Variants in KCNK9 observed in about 807,000 individuals in gnomAD.
KCNK9 encodes potassium two pore domain channel subfamily K member 9.
Under a neutral mutation model 10.8 loss-of-function variants are expected in KCNK9, and 1 was observed. The observed-to-expected ratio is 0.09, with a 90% CI of 0.03 to 0.44. The LOEUF is 0.44. KCNK9 is among the 20% of genes least tolerant of loss of function. The pLI, the probability that KCNK9 is intolerant of heterozygous loss-of-function variation, is 0.97. For missense variants in KCNK9, 303 were observed against 515.0 expected (o/e 0.59, Z 3.98); for synonymous variants, 231 against 222.7 (o/e 1.04, Z -0.33).
rs182865681 is a variant in KCNK9 at position 139,655,113 on chromosome 8, C to A, written c.284-36014G>T. On this transcript the variant is annotated intron_variant, in intron 1 of 1. Coordinates refer to ENST00000520439, the MANE Select transcript of KCNK9 (RefSeq NM_001282534.2). ...TGGCCTGGTTTCTCCAGGCTCCTCGCCCCCACTCCCCTCCCTCAGATACTG... is the reference window on the plus strand; with the variant it reads ...TGGCCTGGTTTCTCCAGGCTCCTCGACCCCACTCCCCTCCCTCAGATACTG... Among the ~76,000 whole-genome samples the A allele has an allele frequency of 3.7e-3, 564 of 152,182 alleles. 3 individuals are homozygous for A. The highest frequency in any genetic ancestry group is 0.013 in the African/African-American group (523 of 41,504).
chr8:139,648,813 G>A (rs1815768831), intron 1 of KCNK9, among the ~76,000 whole-genome samples: 1 of 152,212 alleles, frequency 6.6e-6, no homozygotes, highest in Non-Finnish European at 1.5e-5. Flanking sequence ...ACGTGCCGTG[G>A]GCAGATGAGG....
At chr8:139,659,535 G>A (rs1426210033) in intron 1 of KCNK9, among the ~76,000 whole-genome samples, 11 of 152,106 alleles carry the variant, frequency 7.2e-5, no homozygotes, top group Admixed American at 2.0e-4. Context: ...TTGTTGAGAC[G>A]GAGTCTCGCT....
chr8:139,685,852 C>A (rs950704863), intron 1 of KCNK9, among the ~76,000 whole-genome samples: 1 of 152,148 alleles, frequency 6.6e-6, no homozygotes, highest in Non-Finnish European at 1.5e-5. Flanking sequence ...CTTGAGGGAT[C>A]GCCATACTGT....
At chr8:139,632,326 A>G (rs2545463) in intron 1 of KCNK9, among the ~76,000 whole-genome samples, 84,783 of 152,074 alleles carry the variant, frequency 0.56, 23,748 homozygotes, top group Non-Finnish European at 0.59. Context: ...CACTGTTAAC[A>G]CTGAACTCAG....
At position 139,618,866 on chromosome 8, in the gene KCNK9, T is replaced by C. The variant is rs1814684967; in HGVS notation, c.517A>G (p.Ile173Val). 6.2e-7 allele frequency: 1 copy of C among 1,614,226 alleles called. No homozygotes were observed. Among genetic ancestry groups the C allele is most frequent in the Non-Finnish European group, 8.5e-7 (1 of 1,180,050 alleles). The change falls in exon 2 of 2, where the codon ATC becomes GTC. Residue 173 changes from isoleucine to valine, a missense_variant. Physicochemically the swap from Ile to Val is conservative, Grantham distance 29 (BLOSUM62 3). Around this residue, in one of 5 missense-constraint regions of KCNK9, gnomAD observed 53 missense variants for 134.9 expected, o/e 0.39. Transcript: ENST00000520439. This position sits in a 1 kb window ranked among gnomAD's most constrained non-coding sequence, Gnocchi z 7.9. The part of the protein sequence containing the change: ...GFFSCMGTLC[I>V]GAAAFSQCEE... ...CACTGGGAGAAGGCGGCCGCCCCGA[T>C]GCACAGCGTCCCCATGCAGGAGAAG...
At chr8:139,694,894 C>G (rs1259479555) in intron 1 of KCNK9, among the ~76,000 whole-genome samples, 1 of 152,188 alleles carries the variant, frequency 6.6e-6, no homozygotes, top group African/African-American at 2.4e-5. Context: ...TGGTTGACCC[C>G]AAGACCCCAG....
At chr8:139,662,881 G>T (rs1455631385) in intron 1 of KCNK9, among the ~76,000 whole-genome samples, 3 of 150,572 alleles carry the variant, frequency 2.0e-5, no homozygotes, top group Non-Finnish European at 4.4e-5. Context: ...GAAGGGGGGG[G>T]GGCTGGAGGA....
At chr8:139,647,059 C>T (rs1356971244) in intron 1 of KCNK9, among the ~76,000 whole-genome samples, 2 of 152,250 alleles carry the variant, frequency 1.3e-5, no homozygotes, top group Non-Finnish European at 2.9e-5. Context: ...AGGGACCTCT[C>T]CCGCCCTCTG....
chr8:139,689,577 ATCATGGCAGTG>A lies in KCNK9; in HGVS notation c.283+13122_283+13132del, dbSNP rs768893952. Among the ~76,000 whole-genome samples the A allele has an allele frequency of 5.7e-4, 87 of 151,898 alleles. 1 individual carries two copies. The highest frequency in any genetic ancestry group is 9.3e-4 in the Non-Finnish European group (63 of 68,020). On this transcript the variant is annotated intron_variant, in intron 1 of 1. Transcript: ENST00000520439. ...AATGGTATGTGGGAGAAGTGACAGC[ATCATGGCAGTG>A]TCATGGCAAAAGAGTCGTCACTTGC... is the stretch of plus-strand genomic sequence containing the variant.
At position 139,647,639 on chromosome 8, in the gene KCNK9, C is replaced by A. The variant is rs142170067; in HGVS notation, c.284-28540G>T. 2.2e-3 allele frequency among the ~76,000 whole-genome samples: 340 copies of A among 152,312 alleles called. 2 individuals carry two copies. Among genetic ancestry groups the A allele is most frequent in the African/African-American group, 7.9e-3 (329 of 41,570 alleles). The stretch of plus-strand genomic sequence containing the variant: ...GCATAGAGGCCAGGATGGCCAGGTG[C>A]AGCTGGAAAGGAGGTGGCGGTGATG... On this transcript the variant is annotated intron_variant, in intron 1 of 1. Coordinates refer to ENST00000520439, the MANE Select transcript of KCNK9 (RefSeq NM_001282534.2).
chr8:139,638,796 C>A (rs774638413), intron 1 of KCNK9, among the ~76,000 whole-genome samples: 1 of 152,168 alleles, frequency 6.6e-6, no homozygotes, highest in Non-Finnish European at 1.5e-5. Context: ...CCCTGGGAGT[C>A]CCCAGGTTCC....
chr8:139,663,428 C>G (rs1816214094), intron 1 of KCNK9, among the ~76,000 whole-genome samples: 3 of 152,096 alleles, frequency 2.0e-5, no homozygotes, highest in African/African-American at 7.2e-5. Flanking sequence ...CATCTAGACC[C>G]TCACACACCA....
At chr8:139,672,014 T>C (rs1262258402) in intron 1 of KCNK9, among the ~76,000 whole-genome samples, 2 of 152,210 alleles carry the variant, frequency 1.3e-5, no homozygotes, top group African/African-American at 2.4e-5. Flanking sequence ...ATGAACATGA[T>C]GCAGCATCGG....
At chr8:139,698,276 C>T (rs765139040) in intron 1 of KCNK9, among the ~76,000 whole-genome samples, 1 of 152,214 alleles carries the variant, frequency 6.6e-6, no homozygotes. Context: ...TGGCACCAGC[C>T]TGTGGGGTCT....
intron 1 of KCNK9, among the ~76,000 whole-genome samples, chr8:139,655,036 C>A (rs530279443): frequency 3.3e-5 from 5 of 152,034 alleles, no homozygotes; most frequent in African/African-American, 4.8e-5. Flanking sequence ...GGGGGGCGGG[C>A]GCTGGGGCAG....
downstream of KCNK9, among the ~76,000 whole-genome samples, chr8:139,614,885 A>C (rs533065179): frequency 6.6e-6 from 1 of 152,318 alleles, no homozygotes; most frequent in East Asian, 1.9e-4. Flanking sequence ...AAATACCTAC[A>C]AGGCATGTTG....
At chr8:139,609,795 G>C (rs1193299379), downstream of KCNK9, among the ~76,000 whole-genome samples, 4 of 152,080 alleles carry the variant, frequency 2.6e-5, no homozygotes, top group African/African-American at 9.7e-5. Flanking sequence ...GGAGGTGGAG[G>C]GGGGATATTT....
intron 1 of KCNK9, among the ~76,000 whole-genome samples, chr8:139,701,509 G>A (rs1817218903): frequency 6.6e-6 from 1 of 152,080 alleles, no homozygotes; most frequent in African/African-American, 2.4e-5. Flanking sequence ...AGGAGGTCCA[G>A]AGAAGCGAGA....
chr8:139,608,064 GCT>G (rs140257797), downstream of KCNK9, among the ~76,000 whole-genome samples: 587 of 152,314 alleles, frequency 3.9e-3, 4 homozygotes, highest in African/African-American at 0.014. Flanking sequence ...AAGACTCATG[GCT>G]GAAGCTTACA....
Sources: allele counts gnomAD v4.1 joint callset (sites outside exome capture counted in the v4.1 genomes callset), GRCh38; gene constraint gnomAD v4.1.1; regional missense constraint gnomAD v4.1.1; non-coding constraint Gnocchi (gnomAD v3.1); transcripts MANE v1.5; gene names NCBI Gene and HGNC (gene_info 2026-07-23, HGNC 2026-07-21).